Variants in PTGR1 observed in about 807,000 individuals in gnomAD.
The protein encoded by PTGR1 is prostaglandin reductase 1, also known as 15-oxoprostaglandin 13-reductase.
A neutral mutation model predicts 37.7 loss-of-function variants in PTGR1; 23 were observed. The observed-to-expected ratio is 0.61, with a 90% CI of 0.44 to 0.86. The LOEUF (loss-of-function observed/expected upper bound fraction) is 0.86, where lower values mean the gene tolerates loss of function less well. Among genes scored for constraint, PTGR1 ranks in the 40% least tolerant of loss-of-function variants. PTGR1 has a pLI of 0.00. For synonymous variants in PTGR1, 134 were observed against 140.0 expected (o/e 0.96, Z 0.30); for missense variants, 351 against 394.3 (o/e 0.89, Z 0.93).
At chr9:111,597,207 T>C in intron 2 of PTGR1, 110 bp downstream of exon 2, 1 of 818,620 alleles carries the variant, frequency 1.2e-6, no homozygotes, top group Non-Finnish European at 1.9e-6. Context: ...AATTGTGAAC[T>C]AATAAACCGT....
chr9:111,577,842 C>T (rs1472835040), intron 7 of PTGR1: 1 of 151,908 alleles, frequency 6.6e-6, no homozygotes, highest in East Asian at 1.9e-4. Context: ...GAGATCCTGT[C>T]TCAAAAAACA....
chr9:111,560,857 C>T (rs141648755), downstream of PTGR1, among the ~76,000 whole-genome samples: 127 of 145,948 alleles, frequency 8.7e-4, no homozygotes, highest in African/African-American at 3.1e-3. Flanking sequence ...GCAGGAGAAT[C>T]GCTTGAAGCC....
intron 9 of PTGR1, among the ~76,000 whole-genome samples, chr9:111,553,573 A>C (rs1031071066): frequency 2.6e-5 from 4 of 152,206 alleles, no homozygotes; most frequent in Admixed American, 6.5e-5. Flanking sequence ...AACTCAAATC[A>C]ATCTGTTGAT....
At chr9:111,596,711 G>C (rs555458051) in intron 2 of PTGR1, among the ~76,000 whole-genome samples, 1 of 151,386 alleles carries the variant, frequency 6.6e-6, no homozygotes, top group Admixed American at 6.6e-5. Context: ...GCAGTGAGCC[G>C]AGATTGCTCC....
chr9:111,584,344 TAG>T (rs1293192041), intron 5 of PTGR1, among the ~76,000 whole-genome samples: 3 of 152,120 alleles, frequency 2.0e-5, no homozygotes, highest in African/African-American at 7.2e-5. Flanking sequence ...CAGAGGAGAA[TAG>T]AGAGGAAGAG....
intron 4 of PTGR1, 44 bp downstream of exon 4, chr9:111,592,882 A>G: frequency 6.3e-7 from 1 of 1,585,610 alleles, no homozygotes; most frequent in South Asian, 1.2e-5. Flanking sequence ...GGAGGTAAAG[A>G]GGAGACATAT....
intron 9 of PTGR1, among the ~76,000 whole-genome samples, chr9:111,556,882 G>C (rs1828140920): frequency 6.6e-6 from 1 of 152,190 alleles, no homozygotes; most frequent in African/African-American, 2.4e-5. Context: ...AGTCAATTAA[G>C]CCCAAGCTAT....
intron 1 of PTGR1, among the ~76,000 whole-genome samples, chr9:111,598,697 G>A (rs1242365706): frequency 1.3e-5 from 2 of 151,922 alleles, no homozygotes; most frequent in Non-Finnish European, 2.9e-5. Context: ...GTTTCCCCAT[G>A]TTGGCCAGAC....
intron 9 of PTGR1, among the ~76,000 whole-genome samples, chr9:111,567,705 G>T (rs1398815488): frequency 6.6e-6 from 1 of 152,110 alleles, no homozygotes. Flanking sequence ...TCATAAGAAC[G>T]GCAGGATTTG....
chr9:111,554,651 T>G lies in PTGR1; in HGVS notation c.880-4852A>C, dbSNP rs188992218. 1.7e-3 allele frequency among the ~76,000 whole-genome samples: 256 copies of G among 151,460 alleles called. 3 individuals carry two copies. Among genetic ancestry groups the G allele is most frequent in the African/African-American group, 6.0e-3 (249 of 41,232 alleles). ...GACATGGATATGCTGGACAAAGGGA[T>G]AATTTGTGTCCTAGGAGGCACGGAG... On this transcript the variant is annotated intron_variant, in intron 9 of 9. Transcript: ENST00000538962.
intron 9 of PTGR1, among the ~76,000 whole-genome samples, chr9:111,568,211 G>C (rs111379140): frequency 1.3e-5 from 2 of 152,280 alleles, no homozygotes; most frequent in African/African-American, 4.8e-5. Context: ...TGCAAGTAGG[G>C]AAGATATTGC....
chr9:111,578,903 G>A lies in PTGR1; in HGVS notation c.544C>T (p.Leu182Phe). The change falls in exon 7 of 10, where the codon CTT (leucine) becomes TTT (phenylalanine). Residue 182 changes from leucine (L) to phenylalanine (F), a missense_variant. Leu to Phe is a conservative substitution (Grantham distance 22, BLOSUM62 0). Coordinates refer to ENST00000407693, the MANE Select transcript of PTGR1 (RefSeq NM_001146108.2). Reference sequence around the variant, plus strand: ...ACGACATCAAATCCAAGCTTTTGAAGGTAGGCAACCTTTTCATCAGACCCT... The same window carrying A: ...ACGACATCAAATCCAAGCTTTTGAAAGTAGGCAACCTTTTCATCAGACCCT... Reference protein sequence around the residue: ...AVGSDEKVAYLQKLGFDVVFN... With the variant: ...AVGSDEKVAYFQKLGFDVVFN... 2.5e-6 allele frequency: 4 copies of A among 1,612,396 alleles called. No homozygotes were observed. Among genetic ancestry groups the A allele is most frequent in the Non-Finnish European group, 3.4e-6 (4 of 1,179,582 alleles).
intron 4 of PTGR1, among the ~76,000 whole-genome samples, chr9:111,588,322 G>A (rs751734896): frequency 6.6e-6 from 1 of 150,576 alleles, no homozygotes; most frequent in South Asian, 2.1e-4. Context: ...TCAGCCTCCC[G>A]AGTAGCTGGG....
intron 6 of PTGR1, among the ~76,000 whole-genome samples, chr9:111,581,766 G>A (rs1165403810): frequency 6.6e-6 from 1 of 152,056 alleles, no homozygotes; most frequent in Non-Finnish European, 1.5e-5. Flanking sequence ...ACACAGCACT[G>A]CACCTGGCAG....
At chr9:111,583,280 A>G (rs1829332813) in intron 6 of PTGR1, among the ~76,000 whole-genome samples, 192 bp downstream of exon 6, 1 of 152,264 alleles carries the variant, frequency 6.6e-6, no homozygotes, top group Non-Finnish European at 1.5e-5. Context: ...GATTATCTGC[A>G]ATGTTATCAA....
intron 4 of PTGR1, among the ~76,000 whole-genome samples, chr9:111,587,338 C>T (rs1178819117): frequency 6.6e-6 from 1 of 152,180 alleles, no homozygotes; most frequent in East Asian, 1.9e-4. Context: ...AAATTTTAAA[C>T]ATATAAAACA....
chr9:111,570,662 C>A (rs1036679913), intron 8 of PTGR1, among the ~76,000 whole-genome samples: 1 of 151,702 alleles, frequency 6.6e-6, no homozygotes, highest in East Asian at 1.9e-4. Flanking sequence ...GCCTATAGTC[C>A]CAGCTACTTG....
chr9:111,576,503 G>C, intron 7 of PTGR1: 1 of 1,565,436 alleles, frequency 6.4e-7, no homozygotes, highest in Non-Finnish European at 8.7e-7. Context: ...GCTCTGGTTC[G>C]GGGAAGAGCT....
At chr9:111,581,346 TAGAAGAAGAAA>T (rs1036254092) in intron 6 of PTGR1, among the ~76,000 whole-genome samples, 2 of 152,134 alleles carry the variant, frequency 1.3e-5, no homozygotes, top group African/African-American at 4.8e-5. Context: ...AATAATTAAA[TAGAAGAAGAAA>T]ACTGTTCTTC....
Sources: gnomAD v4.1 joint callset for allele counts (sites outside exome capture counted in the v4.1 genomes callset) on GRCh38, gnomAD v4.1.1 for gene constraint, MANE v1.5 for transcripts, NCBI Gene and HGNC (gene_info 2026-07-23, HGNC 2026-07-21) for gene names.